Variants in SNX5 observed in about 807,000 individuals in gnomAD.
SNX5 encodes sorting nexin-5.
A neutral mutation model predicts 53.9 loss-of-function variants in SNX5; 31 were observed. The ratio of observed to expected loss-of-function variants is 0.58; its 90% CI spans 0.43 to 0.78. The LOEUF (loss-of-function observed/expected upper bound fraction) is 0.78, where lower values mean the gene tolerates loss of function less well. SNX5 is among the 30% of genes least tolerant of loss of function. The pLI is 0.00. For synonymous variants in SNX5, 168 were observed against 171.1 expected (o/e 0.98, Z 0.14); for missense variants, 471 against 478.8 (o/e 0.98, Z 0.15).
intron 12 of SNX5, 164 bp from the exon 13 acceptor site, chr20:17,942,571 G>A (rs1226336247): frequency 4.7e-6 from 3 of 632,966 alleles, no homozygotes; most frequent in East Asian, 2.8e-5. Flanking sequence ...AACGTACCAC[G>A]CATCCCCATT....
intron 11 of SNX5, chr20:17,943,474 A>AG (rs2039444923): frequency 5.2e-6 from 2 of 381,766 alleles, no homozygotes; most frequent in Non-Finnish European, 9.7e-6. Flanking sequence ...GTTGATGAGC[A>AG]GCCTCACTCT....
In SNX5 at chr20:17,951,608, A is replaced by G; in HGVS notation, c.514-13T>C. ...GCCTAACACTTAGCTAAAAGAAGAA[A>G]ATTCCAAAGAGTTTATATGGTATGG... On this transcript the variant is annotated splice_polypyrimidine_tract_variant and intron_variant, in intron 5 of 12. Coordinates refer to ENST00000377759, the MANE Select transcript of SNX5 (RefSeq NM_014426.4). 2 of 1,557,534 alleles carry G rather than the reference A, an allele frequency of 1.3e-6. No individual in the cohort carries two copies. The highest frequency in any genetic ancestry group is 2.2e-5 in the South Asian group (2 of 89,634).
chr20:17,943,377 C>T (rs1162079043), intron 11 of SNX5, 182 bp from the exon 12 acceptor site: 5 of 573,406 alleles, frequency 8.7e-6, no homozygotes, highest in Non-Finnish European at 1.6e-5. Context: ...TGTGGTGATA[C>T]AGCTATCACT....
At position 17,968,398 on chromosome 20, in the gene SNX5, G is replaced by A. The variant is rs1261428214; in HGVS notation, c.28C>T (p.Gln10Ter). ...ACCTTGCTGCGGTCCTCCTCCTGCT[G>A]CTGCAGCAACTCGGGAACCGCGGCC... MAAVPELLQQQEEDRSKLRS... is the reference protein window; with the variant it reads MAAVPELLQ Residue 10 changes from glutamine (Q) to a stop codon, truncating the protein, a stop_gained, in exon 1 of 13, where the codon CAG becomes TAG. Transcript: ENST00000377759. LOFTEE classifies it high-confidence loss of function. 7.8e-7 allele frequency: 1 copy of A among 1,287,800 alleles called. No homozygotes were observed. Among genetic ancestry groups the A allele is most frequent in the East Asian group, 3.1e-5 (1 of 31,970 alleles). 79.8% of individuals were successfully genotyped at this position (1,287,800 alleles called of 1,614,324 possible). A position where few individuals can be genotyped will look rare whatever the true frequency, so the allele number is the denominator to read the frequency against.
chr20:17,943,493 AG>A (rs369644069), intron 11 of SNX5: 10 of 326,562 alleles, frequency 3.1e-5, no homozygotes, highest in Non-Finnish European at 5.2e-5. Context: ...CTCACCCTCT[AG>A]GTACCAGTGA....
chr20:17,950,000 G>A (rs1197253800), intron 8 of SNX5, 132 bp downstream of exon 8: 2 of 702,190 alleles, frequency 2.8e-6, no homozygotes, highest in Non-Finnish European at 4.8e-6. Context: ...TAAGATGAGT[G>A]CTAGAGACTT....
chr20:17,952,699 G>T lies in SNX5; in HGVS notation c.401C>A (p.Ala134Asp). Residue 134 changes from alanine to aspartate, a missense_variant, in exon 5 of 13, where the codon GCT becomes GAT. Transcript: ENST00000377759. Reference sequence around the variant, plus strand: ...GGAGGACACAGTCTTCTTAAACACAGCGAGATACTCACTGAAAAGAGATGT... The same window carrying T: ...GGAGGACACAGTCTTCTTAAACACATCGAGATACTCACTGAAAAGAGATGT... ...MKQELEAEYL[A>D]VFKKTVSSHE... The T allele has an allele frequency of 6.2e-7, 1 of 1,613,472 alleles. No individual in the cohort carries two copies. Among genetic ancestry groups the T allele is most frequent in the Non-Finnish European group, 8.5e-7 (1 of 1,179,776 alleles).
chr20:17,965,469 C>T (rs972054997), intron 1 of SNX5, among the ~76,000 whole-genome samples: 5 of 152,106 alleles, frequency 3.3e-5, no homozygotes, highest in African/African-American at 1.2e-4. Flanking sequence ...CCTGTAATCC[C>T]GGCATGTTGA....
rs770319083 is a variant in SNX5, at chr20:17,950,138, A to T, written c.785T>A (p.Ile262Asn). ...HSLALEEPTV[I>N]KKYLLKVAEL... ...CTTTTCCAAAAAAACTTACTTTTTG[A>T]TGACTGTGGGCTCTTCTAAAGCCAG... The change falls in exon 8 of 13, where the codon ATC (isoleucine) becomes AAC (asparagine). Residue 262 changes from isoleucine to asparagine, a missense_variant. Coordinates refer to ENST00000377759, the MANE Select transcript of SNX5 (RefSeq NM_014426.4). 1.4e-5 allele frequency: 23 copies of T among 1,614,094 alleles called. No homozygotes were observed. In the South Asian group the frequency reaches 2.5e-4, roughly 18 times the overall value.
At chr20:17,961,535 A>G (rs2035449208) in intron 1 of SNX5, 2 of 984,498 alleles carry the variant, frequency 2.0e-6, no homozygotes, top group African/African-American at 1.7e-5. Context: ...TTTGTATACA[A>G]TGTAAGACAT....
chr20:17,943,074 T>C, intron 12 of SNX5, 36 bp downstream of exon 12: 1 of 1,397,246 alleles, frequency 7.2e-7, no homozygotes, highest in Non-Finnish European at 1.0e-6. Context: ...GAAAAAACCA[T>C]AAAAGATGTT....
In SNX5 at chr20:17,942,234, ATATT is replaced by A. The variant is rs531340560; in HGVS notation, c.*119_*122del. 2.4e-4 allele frequency: 158 copies of A among 662,412 alleles called. No individual in the cohort carries two copies. The highest frequency in any genetic ancestry group is 3.7e-4 in the Non-Finnish European group (137 of 371,082). 41.0% of individuals were successfully genotyped at this position (662,412 alleles called of 1,614,324 possible). ...AATGTTAAGATTTGTAGAAATCAAA[ATATT>A]TATTCACATAATTTTAAACTAAAGT... On this transcript the variant is annotated 3_prime_UTR_variant, in exon 13 of 13. Transcript: ENST00000377759.
Position 17,947,507 on chromosome 20 carries a change from G to A in SNX5, c.1057C>T (p.Leu353Phe), listed in dbSNP as rs539118133. 1.9e-6 allele frequency: 3 copies of A among 1,613,484 alleles called. No individual in the cohort carries two copies. In the South Asian group the frequency reaches 3.3e-5, roughly 18 times the overall value. The change falls in exon 11 of 13, where the codon CTT becomes TTT. Residue 353 changes from leucine (L) to phenylalanine (F), a missense_variant. Coordinates refer to ENST00000377759, the MANE Select transcript of SNX5 (RefSeq NM_014426.4). ...CAACCTTCTTTTGCAGATTCGGAAA[G>A]TTGTTCAAATTTCTGGCAGCACTCC... ...QQECCQKFEQ[L>F]SESAKEELIN...
chr20:17,955,902 C>G (rs1185444824), intron 2 of SNX5, among the ~76,000 whole-genome samples: 1 of 152,078 alleles, frequency 6.6e-6, no homozygotes, highest in Non-Finnish European at 1.5e-5. Context: ...CTTAAGCCAT[C>G]CTCCCACCTC....
chr20:17,943,946 A>G (rs529130602), intron 11 of SNX5: 4 of 152,290 alleles, frequency 2.6e-5, no homozygotes, highest in African/African-American at 9.6e-5. Context: ...TACAAAATCA[A>G]TTGAGAATTA....
intron 11 of SNX5, chr20:17,944,889 A>G (rs2039467210): frequency 6.6e-6 from 1 of 152,188 alleles, no homozygotes; most frequent in Admixed American, 6.5e-5. Context: ...ATTCGGCATT[A>G]ATGACCCATT....
intron 11 of SNX5, 96 bp from the exon 12 acceptor site, chr20:17,943,291 A>G (rs1046985302): frequency 7.5e-6 from 6 of 803,694 alleles, no homozygotes; most frequent in Non-Finnish European, 1.1e-5. Context: ...ATGGTCTCCA[A>G]TGCTTTCAGG....
At chr20:17,949,819 T>C (rs1467633419) in intron 8 of SNX5, among the ~76,000 whole-genome samples, 1 of 152,174 alleles carries the variant, frequency 6.6e-6, no homozygotes, top group African/African-American at 2.4e-5. Flanking sequence ...AAGCACCAAT[T>C]GCCAGGGGAA....
intron 1 of SNX5, among the ~76,000 whole-genome samples, chr20:17,959,052 C>G (rs763780972): frequency 2.6e-5 from 4 of 152,202 alleles, no homozygotes; most frequent in Admixed American, 6.5e-5. Context: ...ATTCCATTTC[C>G]TAAAGTCACA....
Sources: allele counts gnomAD v4.1 joint callset (sites outside exome capture counted in the v4.1 genomes callset), GRCh38; gene constraint gnomAD v4.1.1; transcripts MANE v1.5; gene names NCBI Gene and HGNC (gene_info 2026-07-23, HGNC 2026-07-21).